Variants in LGR6 observed in about 807,000 individuals in gnomAD.
LGR6 encodes the protein leucine-rich repeat-containing G protein-coupled receptor 6.
LGR6 carries 45 observed loss-of-function variants against 69.4 expected under a neutral mutation model. The ratio of observed to expected loss-of-function variants is 0.65; its 90% CI spans 0.51 to 0.83. The LOEUF (loss-of-function observed/expected upper bound fraction) is 0.83, where lower values mean the gene tolerates loss of function less well. LGR6 is among the 40% of genes least tolerant of loss of function. LGR6 has a pLI of 0.00. For missense variants in LGR6, 1,108 were observed against 1,246.7 expected (o/e 0.89, Z 1.68); for synonymous variants, 538 against 555.0 (o/e 0.97, Z 0.43).
intron 17 of LGR6, 69 bp downstream of exon 17, chr1:202,314,951 T>C (rs1294903726): frequency 1.7e-6 from 2 of 1,147,270 alleles, no homozygotes; most frequent in Non-Finnish European, 2.6e-6. Flanking sequence ...CTAGTTGAGG[T>C]ATTAGTTCAG....
Position 202,318,960 on chromosome 1 carries a change from G to T in LGR6, c.2657G>T (p.Gly886Val), listed in dbSNP as rs1186575101. 1.2e-6 allele frequency: 2 copies of T among 1,613,608 alleles called. No homozygotes were observed. Among genetic ancestry groups the T allele is most frequent in the African/African-American group, 1.3e-5 (1 of 74,888 alleles). Residue 886 changes from glycine to valine, a missense_variant, in exon 18 of 18, where the codon GGG (glycine) becomes GTG (valine). Coordinates refer to ENST00000367278, the MANE Select transcript of LGR6 (RefSeq NM_001017403.2). ...CTCATTCTGGAAGCTTCTGAAGCTG[G>T]GCGGCCCCCTGGGCTGGAGACCTAT... ...VDLILEASEAGRPPGLETYGF... is the reference protein window; with the variant it reads ...VDLILEASEAVRPPGLETYGF...
chr1:202,308,398 G>T (rs1401839063), intron 14 of LGR6, among the ~76,000 whole-genome samples: 1 of 152,048 alleles, frequency 6.6e-6, no homozygotes, highest in Non-Finnish European at 1.5e-5. Context: ...ACAGTGCCAG[G>T]TTTCCTGCCT....
chr1:202,214,127 AC>A, intron 1 of LGR6: 1 of 1,467,860 alleles, frequency 6.8e-7, no homozygotes, highest in African/African-American at 1.5e-5. Flanking sequence ...GGACCGCAGA[AC>A]TGGCACTCGA....
chr1:202,295,543 C>G (rs896815031), intron 6 of LGR6, among the ~76,000 whole-genome samples: 1 of 152,172 alleles, frequency 6.6e-6, no homozygotes, highest in Non-Finnish European at 1.5e-5. Flanking sequence ...CTGCCATCCT[C>G]AATTCTCCCA....
intron 1 of LGR6, among the ~76,000 whole-genome samples, chr1:202,205,686 T>C (rs1659183759): frequency 9.7e-6 from 1 of 103,086 alleles, no homozygotes. Context: ...CACACACACC[T>C]CCTTCAAACA....
At chr1:202,259,923 C>T (rs551193584) in intron 4 of LGR6, among the ~76,000 whole-genome samples, 58 of 152,338 alleles carry the variant, frequency 3.8e-4, no homozygotes, top group African/African-American at 1.3e-3. Context: ...CACGGTCCTG[C>T]GCTGCCTGTT....
At chr1:202,245,168 C>T (rs79820393) in intron 4 of LGR6, among the ~76,000 whole-genome samples, 11,424 of 152,242 alleles carry the variant, frequency 0.075, 720 homozygotes, top group African/African-American at 0.17. Flanking sequence ...TCCCCAGGGA[C>T]GCACGAGGTG....
At chr1:202,235,858 C>T (rs1454770062) in intron 3 of LGR6, 64 bp from the exon 4 acceptor site, 1 of 1,455,466 alleles carries the variant, frequency 6.9e-7, no homozygotes, top group Non-Finnish European at 9.6e-7. Flanking sequence ...AGGGAGGAGT[C>T]AGCACCCTCC....
chr1:202,215,636 C>T (rs1659724924), intron 1 of LGR6, among the ~76,000 whole-genome samples: 1 of 152,216 alleles, frequency 6.6e-6, no homozygotes, highest in Non-Finnish European at 1.5e-5. Flanking sequence ...GTGCAGGATT[C>T]ATTCCATTTC....
At chr1:202,201,605 G>A (rs893745511) in intron 1 of LGR6, among the ~76,000 whole-genome samples, 1 of 152,186 alleles carries the variant, frequency 6.6e-6, no homozygotes, top group African/African-American at 2.4e-5. Flanking sequence ...CTGCCTCTCA[G>A]AGGCCCACAG....
intron 1 of LGR6, among the ~76,000 whole-genome samples, chr1:202,204,294 G>GCAAA (rs1385827661): frequency 6.0e-5 from 2 of 33,144 alleles, no homozygotes; most frequent in Non-Finnish European, 1.2e-4. Flanking sequence ...ACACACACCT[G>GCAAA]CAAACACACA....
rs768192974 is a variant in LGR6, at chr1:202,304,610, G to A, written c.1050G>A (p.Gln350=). Residue 350 remains glutamine (Q), a synonymous_variant, in exon 11 of 18, where the codon CAG becomes CAA. Coordinates refer to ENST00000367278, the MANE Select transcript of LGR6 (RefSeq NM_001017403.2). ...IRLLPSGMCQ[Q]LPRLRVLELS... ...TGCTCCCATCGGGGATGTGCCAACA[G>A]CTGCCCAGGCTCCGAGTCCTGTGAG... The A allele has an allele frequency of 1.9e-6, 3 of 1,610,810 alleles. No individual in the cohort carries two copies. The highest frequency in any genetic ancestry group is 1.7e-5 in the Admixed American group (1 of 59,982).
chr1:202,250,934 G>A (rs1202990266), intron 4 of LGR6, among the ~76,000 whole-genome samples: 1 of 152,102 alleles, frequency 6.6e-6, no homozygotes, highest in Non-Finnish European at 1.5e-5. Context: ...ATAACTCCCT[G>A]GTTCCCCCTT....
At chr1:202,262,655 T>C (rs933174312) in intron 4 of LGR6, among the ~76,000 whole-genome samples, 1 of 152,222 alleles carries the variant, frequency 6.6e-6, no homozygotes, top group African/African-American at 2.4e-5. Context: ...GGTTTAATCC[T>C]CTGGAATACC....
chr1:202,212,108 G>A (rs909613637), intron 1 of LGR6, among the ~76,000 whole-genome samples: 12 of 152,176 alleles, frequency 7.9e-5, no homozygotes, highest in Non-Finnish European at 1.5e-4. Flanking sequence ...GAGTATCATG[G>A]CTACCACCGC....
At chr1:202,284,130 C>T (rs1173537224) in intron 6 of LGR6, among the ~76,000 whole-genome samples, 1 of 151,970 alleles carries the variant, frequency 6.6e-6, no homozygotes, top group Non-Finnish European at 1.5e-5. Flanking sequence ...CAACTCCACC[C>T]GCCCCACCCC....
In LGR6 at chr1:202,236,110, C is replaced by T. The variant is rs147538033; in HGVS notation, c.428+117C>T. On this transcript the variant is annotated intron_variant, in intron 4 of 17. Transcript: ENST00000367278. The stretch of plus-strand genomic sequence containing the variant: ...TGCAGGCGCCCCCTCTCCCAGTCCA[C>T]GTTCCAGACAGCATGCCGCTCCTGG... The T allele has an allele frequency of 1.3e-3, 1,017 of 777,210 alleles. 2 individuals carry two copies. In the African/African-American group the frequency reaches 0.016, roughly 12 times the overall value. 48.1% of individuals were successfully genotyped at this position (777,210 alleles called of 1,614,324 possible).
intron 1 of LGR6, among the ~76,000 whole-genome samples, chr1:202,204,713 A>AAAC (rs1659031702): frequency 7.3e-6 from 1 of 136,676 alleles, no homozygotes; most frequent in Non-Finnish European, 1.6e-5. Context: ...ACACACACCT[A>AAAC]ACACACACCT....
chr1:202,204,257 C>T (rs970629861), intron 1 of LGR6, among the ~76,000 whole-genome samples: 7 of 140,920 alleles, frequency 5.0e-5, no homozygotes, highest in African/African-American at 1.6e-4. Context: ...CCACACACAA[C>T]CTCCAAACAC....
Sources: allele counts gnomAD v4.1 joint callset (sites outside exome capture counted in the v4.1 genomes callset), GRCh38; gene constraint gnomAD v4.1.1; transcripts MANE v1.5; gene names NCBI Gene and HGNC (gene_info 2026-07-23, HGNC 2026-07-21).